Variants in PCBP4 observed in about 807,000 individuals in gnomAD.
PCBP4 encodes the protein poly(rC) binding protein 4, also known as poly(rC)-binding protein 4.
Under a neutral mutation model 46.2 loss-of-function variants are expected in PCBP4, and 24 were observed. The ratio of observed to expected loss-of-function variants is 0.52; its 90% confidence interval spans 0.38 to 0.73. The LOEUF is 0.73. PCBP4 is among the 30% of genes least tolerant of loss of function. The pLI, the probability that PCBP4 is intolerant of heterozygous loss-of-function variation, is 0.00. For missense variants in PCBP4, 407 were observed against 537.0 expected (o/e 0.76, Z 2.39); for synonymous variants, 203 against 224.4 (o/e 0.90, Z 0.85).
In PCBP4 at chr3:51,959,553, C is replaced by T. The variant is rs922199683; in HGVS notation, c.591+24G>A. 8 of 1,547,260 alleles carry T rather than the reference C, an allele frequency of 5.2e-6. No individual in the cohort carries two copies. Among genetic ancestry groups the T allele is most frequent in the Admixed American group, 2.0e-5 (1 of 50,992 alleles). ...ATCCCCCTTCTCCAGTAATGTGTCC[C>T]ACTGCTCCTGTTGTTCCCCTCACCT... is the stretch of plus-strand genomic sequence containing the variant. On this transcript the variant is annotated intron_variant, in intron 9 of 13. Coordinates refer to ENST00000461554, the MANE Select transcript of PCBP4 (RefSeq NM_001174100.2). This position sits in a 1 kb window ranked among gnomAD's most constrained non-coding sequence, Gnocchi z 5.6.
In PCBP4 at chr3:51,967,445, T is replaced by C. The variant is rs1700493837; in HGVS notation, c.-332A>G. 1 of 143,868 alleles carries C rather than the reference T, an allele frequency of 7.0e-6. No homozygotes were observed. The highest frequency in any genetic ancestry group is 6.8e-5 in the Admixed American group (1 of 14,658). 8.9% of individuals were successfully genotyped at this position (143,868 alleles called of 1,614,324 possible). ...TGCGAGTGACATCAGCTGCGAACAA[T>C]GAGGGGTTTGACAGGCGCGGAGCCC... On this transcript the variant is annotated 5_prime_UTR_variant, in exon 1 of 14. Transcript: ENST00000461554.
chr3:51,966,998 G>A (rs558027435), intron 1 of PCBP4, among the ~76,000 whole-genome samples: 25 of 152,170 alleles, frequency 1.6e-4, no homozygotes, highest in Admixed American at 5.9e-4. Flanking sequence ...ACAGGGGAGT[G>A]GCAAGTGAGG....
Position 51,959,598 on chromosome 3 carries a change from A to G in PCBP4, c.570T>C (p.Thr190=). Residue 190 remains threonine (T), a synonymous_variant, in exon 9 of 14, where the codon ACT becomes ACC. Transcript: ENST00000461554. This position sits in a 1 kb window ranked among gnomAD's most constrained non-coding sequence, Gnocchi z 5.6. ...TCACCTGGTTGGCAGAGAGAAGAACAGTACCTAGGGAGAGGCTCGGATGGT... is the reference window on the plus strand; with the variant it reads ...TCACCTGGTTGGCAGAGAGAAGAACGGTACCTAGGGAGAGGCTCGGATGGT... ...IPYHPSLSLG[T]VLLSANQGFS... is the part of the protein sequence containing the mutation. 6.4e-7 allele frequency: 1 copy of G among 1,553,072 alleles called. No homozygotes were observed. The highest frequency in any genetic ancestry group is 8.7e-7 in the Non-Finnish European group (1 of 1,147,512).
Position 51,961,164 on chromosome 3 carries a change from C to G in PCBP4, c.77G>C (p.Gly26Ala). The G allele has an allele frequency of 6.2e-7, 1 of 1,613,828 alleles. No homozygotes were observed. Among genetic ancestry groups the G allele is most frequent in the Admixed American group, 1.7e-5 (1 of 60,032 alleles). The change falls in exon 3 of 14, where the codon GGG becomes GCG. Residue 26 changes from glycine (G) to alanine (A), a missense_variant. Coordinates refer to ENST00000461554, the MANE Select transcript of PCBP4 (RefSeq NM_001174100.2). ...ITLTLRMLMH[G>A]KEVGSIIGKK... ...GGCCCTCCACCTCCCGCTCACCTTC[C>G]CGTGCATCAGCATCCGCAGCGTGAG...
chr3:51,962,420 T>A (rs1700223416), intron 1 of PCBP4, among the ~76,000 whole-genome samples: 1 of 151,638 alleles, frequency 6.6e-6, no homozygotes, highest in Non-Finnish European at 1.5e-5. Flanking sequence ...TCCTTAGGCG[T>A]CTGTCTCCTG....
Position 51,961,049 on chromosome 3 carries a change from G to A in PCBP4, c.82-16C>T. 1 of 1,614,212 alleles carries A rather than the reference G, an allele frequency of 6.2e-7. No homozygotes were observed. The highest frequency in any genetic ancestry group is 8.5e-7 in the Non-Finnish European group (1 of 1,180,040). ...TGCCCACTTCCTGCGGACAAGACAA[G>A]AGCCGTCAGATGGGTGCCAGTGCCC... On this transcript the variant is annotated splice_polypyrimidine_tract_variant and intron_variant, in intron 3 of 13. Transcript: ENST00000461554.
chr3:51,960,576 T>C lies in PCBP4; in HGVS notation c.205A>G (p.Thr69Ala), dbSNP rs370106645. The C allele has an allele frequency of 2.5e-6, 4 of 1,614,058 alleles. No individual in the cohort carries two copies. Among genetic ancestry groups the C allele is most frequent in the Non-Finnish European group, 3.4e-6 (4 of 1,179,996 alleles). Residue 69 changes from threonine (T) to alanine (A), a missense_variant, in exon 6 of 14, where the codon ACA becomes GCA. Thr to Ala is a moderately conservative substitution (Grantham distance 58, BLOSUM62 0). Transcript: ENST00000461554. This position sits in a 1 kb window ranked among gnomAD's most constrained non-coding sequence, Gnocchi z 5.0. Reference protein sequence around the residue: ...PERITTITGSTAAVFHAVSMI... With the variant: ...PERITTITGSAAAVFHAVSMI... ...GAGACTGCATGGAAGACAGCTGCTG[T>C]AGACCCGGTGATGGTGGTGATGCGT... is the stretch of plus-strand genomic sequence containing the variant.
chr3:51,963,529 C>A (rs529979314), intron 1 of PCBP4, among the ~76,000 whole-genome samples: 1 of 152,182 alleles, frequency 6.6e-6, no homozygotes. Flanking sequence ...GGGATGGTAA[C>A]CAGTGGGAGA....
At chr3:51,963,269 C>G (rs1700266140) in intron 1 of PCBP4, 1 of 152,256 alleles carries the variant, frequency 6.6e-6, no homozygotes, top group Non-Finnish European at 1.5e-5. Context: ...AGGTGGGACA[C>G]AGTGGGACTA....
At position 51,960,701 on chromosome 3, in the gene PCBP4, C is replaced by T. The variant is rs200412878; in HGVS notation, c.139-59G>A. On this transcript the variant is annotated intron_variant, in intron 5 of 13. Coordinates refer to ENST00000461554, the MANE Select transcript of PCBP4 (RefSeq NM_001174100.2). The surrounding 1 kb of genome is among the most constrained non-coding windows in gnomAD (Gnocchi z 5.0). Reference sequence around the variant, plus strand: ...CATCTTCCCTGCTCCCTTGCCGGAACTTGTCTGCCTGCCCCACTCACCAGG... The same window carrying T: ...CATCTTCCCTGCTCCCTTGCCGGAATTTGTCTGCCTGCCCCACTCACCAGG... The T allele has an allele frequency of 2.3e-5, 34 of 1,505,926 alleles. No individual in the cohort carries two copies. Among genetic ancestry groups the T allele is most frequent in the Non-Finnish European group, 2.8e-5 (30 of 1,081,478 alleles). 93.3% of individuals were successfully genotyped at this position (1,505,926 alleles called of 1,614,324 possible). A position where few individuals can be genotyped will look rare whatever the true frequency, so the allele number is the denominator to read the frequency against.
chr3:51,958,865 C>T lies in PCBP4; in HGVS notation c.848G>A (p.Gly283Asp). 5.0e-6 allele frequency: 8 copies of T among 1,613,988 alleles called. No individual in the cohort carries two copies. Among genetic ancestry groups the T allele is most frequent in the South Asian group, 1.1e-5 (1 of 91,078 alleles). The change falls in exon 13 of 14, where the codon GGC becomes GAC. Residue 283 changes from glycine to aspartate, a missense_variant. By Grantham distance (94) the Gly-to-Asp change is moderately conservative (BLOSUM62 -1). Transcript: ENST00000461554. This position sits in a 1 kb window ranked among gnomAD's most constrained non-coding sequence, Gnocchi z 5.4. Reference protein sequence around the residue: ...AHIKIGNQAEGAGERHVTITG... With the variant: ...AHIKIGNQAEDAGERHVTITG... ...GATGGTGACATGCCGCTCCCCAGCG[C>T]CCTCTGCTTGGTTCCCGATCTTGAT... is the stretch of plus-strand genomic sequence containing the variant.
intron 1 of PCBP4, among the ~76,000 whole-genome samples, 193 bp from the exon 2 acceptor site, chr3:51,962,281 A>G (rs1357468514): frequency 6.6e-6 from 1 of 152,186 alleles, no homozygotes; most frequent in African/African-American, 2.4e-5. Context: ...TGTCAAGGCC[A>G]TTAACTGATG....
chr3:51,959,936 T>C lies in PCBP4; in HGVS notation c.475A>G (p.Ile159Val), dbSNP rs146288763. 7 of 1,609,020 alleles carry C rather than the reference T, an allele frequency of 4.4e-6. No individual in the cohort carries two copies. The African/African-American group carries it at 6.7e-5, about 15-fold the overall frequency. The change falls in exon 8 of 14, where the codon ATC becomes GTC. Residue 159 changes from isoleucine to valine, a missense_variant. Ile to Val is a conservative substitution (Grantham distance 29). Transcript: ENST00000461554. This position sits in a 1 kb window ranked among gnomAD's most constrained non-coding sequence, Gnocchi z 5.6. ...CAGATCTGGCGCACACACAGGATGATGGCATCAGGCACCCCAGATACCGTA... is the reference window on the plus strand; with the variant it reads ...CAGATCTGGCGCACACACAGGATGACGGCATCAGGCACCCCAGATACCGTA... ...AVTVSGVPDA[I>V]ILCVRQICAV... is the part of the protein sequence containing the mutation.
Position 51,958,932 on chromosome 3 carries a change from C to G in PCBP4, c.781G>C (p.Gly261Arg). The change falls in exon 13 of 14, where the codon GGC becomes CGC. Residue 261 changes from glycine (G) to arginine (R), a missense_variant. Physicochemically the swap from Gly to Arg is moderately radical, Grantham distance 125 (BLOSUM62 -2). Coordinates refer to ENST00000461554, the MANE Select transcript of PCBP4 (RefSeq NM_001174100.2). The surrounding 1 kb of genome is among the most constrained non-coding windows in gnomAD (Gnocchi z 5.4). ...DLIGCVIGRQ[G>R]SKISEIRQMS... ...TGCCGGATCTCGCTGATCTTGCTGCCCTGGCGCCCGATCACACAGCCAATC... is the reference window on the plus strand; with the variant it reads ...TGCCGGATCTCGCTGATCTTGCTGCGCTGGCGCCCGATCACACAGCCAATC... 1 of 1,613,936 alleles carries G rather than the reference C, an allele frequency of 6.2e-7. No individual in the cohort carries two copies. Among genetic ancestry groups the G allele is most frequent in the Non-Finnish European group, 8.5e-7 (1 of 1,179,938 alleles).
chr3:51,962,946 C>T (rs1482997842), intron 1 of PCBP4: 3 of 152,324 alleles, frequency 2.0e-5, no homozygotes, highest in Admixed American at 2.0e-4. Flanking sequence ...CCTGGCCAGC[C>T]TCATGCTGGC....
At position 51,958,951 on chromosome 3, in the gene PCBP4, G is replaced by A. The variant is rs1305736487; in HGVS notation, c.762C>T (p.Gly254=). 3.7e-6 allele frequency: 6 copies of A among 1,613,858 alleles called. No homozygotes were observed. Among genetic ancestry groups the A allele is most frequent in the Non-Finnish European group, 5.1e-6 (6 of 1,179,948 alleles). ...QEFLVPNDLI[G]CVIGRQGSKI... ...TGCTGCCCTGGCGCCCGATCACACAGCCAATCAACTAGAGGGAAGGCAGAA... is the reference window on the plus strand; with the variant it reads ...TGCTGCCCTGGCGCCCGATCACACAACCAATCAACTAGAGGGAAGGCAGAA... The change falls in exon 13 of 14, where the codon GGC becomes GGT. Residue 254 remains glycine (G), a synonymous_variant. Transcript: ENST00000461554. This position sits in a 1 kb window ranked among gnomAD's most constrained non-coding sequence, Gnocchi z 5.4.
rs1287106730 is a variant in PCBP4 at position 51,958,252 on chromosome 3, C to A, written c.1021G>T (p.Ala341Ser). 6.3e-7 allele frequency: 1 copy of A among 1,598,308 alleles called. No homozygotes were observed. The stretch of plus-strand genomic sequence containing the variant: ...GGTGTGCCCAGCAGGCCAGGGGGAG[C>A]TGTGGGCAGGGCCGTCAGGGGTGGC... ...FSPPLTALPT[A>S]PPGLLGTPYA... The change falls in exon 14 of 14, where the codon GCT becomes TCT. Residue 341 changes from alanine (A) to serine (S), a missense_variant. Physicochemically the swap from Ala to Ser is moderately conservative, Grantham distance 99 (BLOSUM62 1). Transcript: ENST00000461554. The surrounding 1 kb of genome is among the most constrained non-coding windows in gnomAD (Gnocchi z 5.4).
chr3:51,961,533 G>T, intron 2 of PCBP4: 1 of 540,144 alleles, frequency 1.9e-6, no homozygotes, highest in Admixed American at 3.4e-5. Flanking sequence ...ATCTGTAGAA[G>T]GGGATACAAA....
chr3:51,960,591 T>C lies in PCBP4; in HGVS notation c.190A>G (p.Thr64Ala). 1 of 1,614,158 alleles carries C rather than the reference T, an allele frequency of 6.2e-7. No individual in the cohort carries two copies. Among genetic ancestry groups the C allele is most frequent in the South Asian group, 1.1e-5 (1 of 91,086 alleles). Residue 64 changes from threonine to alanine, a missense_variant, in exon 6 of 14, where the codon ACC becomes GCC. Transcript: ENST00000461554. The surrounding 1 kb of genome is among the most constrained non-coding windows in gnomAD (Gnocchi z 5.0). ...ACAGCTGCTGTAGACCCGGTGATGG[T>C]GGTGATGCGTTCAGGGCAGGAGCCC... ...SEGSCPERIT[T>A]ITGSTAAVFH...
Sources: gnomAD v4.1 joint callset for allele counts (sites outside exome capture counted in the v4.1 genomes callset) on GRCh38, gnomAD v4.1.1 for gene constraint, Gnocchi (gnomAD v3.1) non-coding constraint, MANE v1.5 for transcripts, NCBI Gene and HGNC (gene_info 2026-07-23, HGNC 2026-07-21) for gene names.